Variants in TNS3 observed in about 807,000 individuals in gnomAD.
The protein encoded by TNS3 is tensin-3.
A neutral mutation model predicts 140.9 loss-of-function variants in TNS3; 45 were observed. That is an observed-to-expected ratio of 0.32 (90% CI 0.25 to 0.41). The LOEUF (loss-of-function observed/expected upper bound fraction) is 0.41, where lower values mean the gene tolerates loss of function less well. Among genes scored for constraint, TNS3 ranks in the 10% least tolerant of loss-of-function variants. The probability of loss-of-function intolerance (pLI) is 1.00; values close to 1 mark genes in which losing one functional copy is unlikely to be tolerated. For missense variants in TNS3, 1,716 were observed against 1,906.7 expected, an observed-to-expected ratio of 0.90 and a Z score of 1.86; for synonymous variants, 815 against 788.4, an observed-to-expected ratio of 1.03 and a Z score of -0.56.
At chr7:47,560,497 A>G (rs559259827) in intron 1 of TNS3, among the ~76,000 whole-genome samples, 1 of 152,244 alleles carries the variant, frequency 6.6e-6, no homozygotes, top group East Asian at 1.9e-4. Context: ...AATCTGCCCA[A>G]CCAAAGCCCT....
chr7:47,540,630 G>C (rs116855921), intron 1 of TNS3, among the ~76,000 whole-genome samples: 3 of 152,194 alleles, frequency 2.0e-5, no homozygotes, highest in Admixed American at 2.0e-4. Flanking sequence ...CGATCTACAC[G>C]CAGTGTTAGG....
chr7:47,298,943 C>T (rs1786215825), intron 23 of TNS3, among the ~76,000 whole-genome samples: 1 of 152,200 alleles, frequency 6.6e-6, no homozygotes, highest in African/African-American at 2.4e-5. Flanking sequence ...CAGGCAGGCT[C>T]ACCGTGCATG....
chr7:47,566,672 T>A (rs1347646154), intron 1 of TNS3, among the ~76,000 whole-genome samples: 1 of 152,142 alleles, frequency 6.6e-6, no homozygotes, highest in Non-Finnish European at 1.5e-5. Context: ...TAGGAGGCAG[T>A]ATCAAAGGTA....
chr7:47,341,374 T>G (rs1054582920), intron 20 of TNS3, among the ~76,000 whole-genome samples: 4 of 152,254 alleles, frequency 2.6e-5, no homozygotes, highest in African/African-American at 9.6e-5. Flanking sequence ...AGATTTCTTT[T>G]TTGGGAGATT....
intron 3 of TNS3, among the ~76,000 whole-genome samples, chr7:47,485,998 G>C (rs1218240843): frequency 6.6e-6 from 1 of 151,796 alleles, no homozygotes; most frequent in Non-Finnish European, 1.5e-5. Context: ...GGGTGTGTGA[G>C]TGTGGGTGTG....
chr7:47,344,054 C>T (rs1362283776), intron 20 of TNS3, among the ~76,000 whole-genome samples: 1 of 152,152 alleles, frequency 6.6e-6, no homozygotes, highest in Non-Finnish European at 1.5e-5. Context: ...AAAAAAGCAG[C>T]AGCGTAATGA....
At chr7:47,319,400 TG>T (rs1787599277) in intron 20 of TNS3, among the ~76,000 whole-genome samples, 1 of 148,930 alleles carries the variant, frequency 6.7e-6, no homozygotes, top group Non-Finnish European at 1.5e-5. Flanking sequence ...AGTGAGAGAG[TG>T]ATAGAGAGAG....
At chr7:47,499,327 G>C (rs1411178701) in intron 3 of TNS3, among the ~76,000 whole-genome samples, 7 of 152,252 alleles carry the variant, frequency 4.6e-5, no homozygotes, top group Non-Finnish European at 1.0e-4. Context: ...AATGATTGGT[G>C]AGGACAGCCT....
intron 17 of TNS3, among the ~76,000 whole-genome samples, chr7:47,354,384 A>G (rs1789865485): frequency 1.3e-5 from 2 of 152,086 alleles, no homozygotes; most frequent in Non-Finnish European, 2.9e-5. Flanking sequence ...CCTTCTCAGA[A>G]AAACCAAGGA....
chr7:47,308,884 C>A (rs554260128), intron 20 of TNS3, among the ~76,000 whole-genome samples: 1 of 152,210 alleles, frequency 6.6e-6, no homozygotes, highest in Non-Finnish European at 1.5e-5. Context: ...TGTCCTCCTA[C>A]CCAACGCTCA....
intron 4 of TNS3, among the ~76,000 whole-genome samples, chr7:47,463,517 G>T: frequency 6.6e-6 from 1 of 152,180 alleles, no homozygotes; most frequent in South Asian, 2.1e-4. Context: ...AGGAAGGACT[G>T]TCTAACACAT....
At chr7:47,290,171 C>T (rs1282260618) in intron 27 of TNS3, among the ~76,000 whole-genome samples, 1 of 152,128 alleles carries the variant, frequency 6.6e-6, no homozygotes, top group African/African-American at 2.4e-5. Context: ...AGCAACTGTA[C>T]ATCTGCAGGC....
At chr7:47,281,056 C>T (rs1785120760) in intron 28 of TNS3, among the ~76,000 whole-genome samples, 1 of 152,226 alleles carries the variant, frequency 6.6e-6, no homozygotes, top group African/African-American at 2.4e-5. Flanking sequence ...GCCTTGGTTT[C>T]CTCACCTGTG....
Position 47,476,572 on chromosome 7 carries a change from T to C in TNS3, c.-76+4531A>G, listed in dbSNP as rs926048119. Among the ~76,000 whole-genome samples the C allele has an allele frequency of 7.2e-5, 11 of 152,342 alleles. No individual in the cohort carries two copies. The East Asian group carries it at 1.5e-3, about 21-fold the overall frequency. On this transcript the variant is annotated intron_variant, in intron 4 of 30. Transcript: ENST00000311160. The stretch of plus-strand genomic sequence containing the variant: ...TAGTTCTAAAAGCCAGAGGTCCCAA[T>C]GAGGCTATGCTGCAATAGCTTGCCT...
chr7:47,389,078 GAAGAA>G (rs1792308247), intron 16 of TNS3, among the ~76,000 whole-genome samples: 4 of 68,088 alleles, frequency 5.9e-5, no homozygotes, highest in Admixed American at 3.5e-4. Context: ...AGAAGAAGAA[GAAGAA>G]GAGGAAGAGG....
intron 3 of TNS3, among the ~76,000 whole-genome samples, chr7:47,495,522 A>G (rs938383041): frequency 6.6e-6 from 1 of 152,166 alleles, no homozygotes; most frequent in Admixed American, 6.5e-5. Context: ...AGGGATGGTT[A>G]TGTCCCAACA....
chr7:47,393,625 C>T lies in TNS3; in HGVS notation c.1024+3175G>A, dbSNP rs113941968. On this transcript the variant is annotated intron_variant, in intron 16 of 30. Transcript: ENST00000311160. ...ATCATCGAGGCTGCAAGGGATGAAC[C>T]AGGCACTGGGAGGAGGCTGCACTCT... Among the ~76,000 whole-genome samples the T allele has an allele frequency of 9.7e-3, 1,470 of 152,256 alleles. 25 individuals carry two copies. Among genetic ancestry groups the T allele is most frequent in the African/African-American group, 0.034 (1,409 of 41,532 alleles).
At chr7:47,351,088 A>T (rs527467085) in intron 17 of TNS3, among the ~76,000 whole-genome samples, 15 of 152,342 alleles carry the variant, frequency 9.8e-5, no homozygotes, top group Middle Eastern at 3.4e-3. Flanking sequence ...TTTTAAAATT[A>T]GGGAAACAAC....
intron 10 of TNS3, among the ~76,000 whole-genome samples, chr7:47,421,782 G>C (rs956792104): frequency 1.3e-5 from 2 of 152,180 alleles, no homozygotes; most frequent in African/African-American, 4.8e-5. Flanking sequence ...TTACGGGTCA[G>C]CTCCATGGGC....
Sources: gnomAD v4.1 joint callset for allele counts (sites outside exome capture counted in the v4.1 genomes callset) on GRCh38, gnomAD v4.1.1 for gene constraint, MANE v1.5 for transcripts, NCBI Gene and HGNC (gene_info 2026-07-23, HGNC 2026-07-21) for gene names.